B3GALT1: variants seen among roughly 807,000 people sequenced by gnomAD.
The protein encoded by B3GALT1 is beta-1,3-galactosyltransferase 1.
B3GALT1 carries 10 observed loss-of-function variants against 23.2 expected under a neutral mutation model. That is an observed-to-expected ratio of 0.43 (90% CI 0.27 to 0.73). B3GALT1 has a LOEUF of 0.73. Among genes scored for constraint, B3GALT1 ranks in the 30% least tolerant of loss-of-function variants. The pLI is 0.21. For synonymous variants in B3GALT1, 156 were observed against 141.5 expected (o/e 1.10, Z -0.73); for missense variants, 299 against 405.4 (o/e 0.74, Z 2.25).
intron 4 of B3GALT1, among the ~76,000 whole-genome samples, chr2:167,840,217 G>T (rs1470716141): frequency 6.6e-5 from 10 of 151,620 alleles, no homozygotes; most frequent in Admixed American, 2.0e-4. Context: ...CACAGCAAAA[G>T]AAACTACCAT....
chr2:167,347,989 A>G (rs1461923815), intron 1 of B3GALT1, among the ~76,000 whole-genome samples: 1 of 152,148 alleles, frequency 6.6e-6, no homozygotes, highest in Non-Finnish European at 1.5e-5. Context: ...GACCTGTGTT[A>G]CCACCCCATG....
In B3GALT1 at chr2:167,838,929, C is replaced by T. The variant is rs1473746273; in HGVS notation, c.-230+20136C>T. Among the ~76,000 whole-genome samples, 7 of 152,198 alleles carry T rather than the reference C, an allele frequency of 4.6e-5. No individual in the cohort carries two copies. The South Asian group carries it at 8.3e-4, about 18-fold the overall frequency. Reference sequence around the variant, plus strand: ...TAAACAGAACCAAAGACAAAAACCACGTGATTATCTCAATAGATGCAGAAA... The same window carrying T: ...TAAACAGAACCAAAGACAAAAACCATGTGATTATCTCAATAGATGCAGAAA... On this transcript the variant is annotated intron_variant, in intron 4 of 4. Transcript: ENST00000392690.
chr2:167,505,732 C>G (rs1699908320), intron 2 of B3GALT1, among the ~76,000 whole-genome samples: 1 of 152,084 alleles, frequency 6.6e-6, no homozygotes, highest in Admixed American at 6.5e-5. Flanking sequence ...GGAAAAAAAT[C>G]TAGACTCTTT....
chr2:167,564,437 C>G (rs183202764), intron 2 of B3GALT1, among the ~76,000 whole-genome samples: 1 of 151,684 alleles, frequency 6.6e-6, no homozygotes, highest in Admixed American at 6.6e-5. Flanking sequence ...CAGGCGGAGA[C>G]GCTCCCCACC....
At chr2:167,703,000 C>A (rs1248997830) in intron 3 of B3GALT1, among the ~76,000 whole-genome samples, 1 of 152,122 alleles carries the variant, frequency 6.6e-6, no homozygotes, top group Non-Finnish European at 1.5e-5. Context: ...AGTAAAATAC[C>A]ATACTTGATC....
At chr2:167,328,518 C>A (rs1208237701) in intron 1 of B3GALT1, among the ~76,000 whole-genome samples, 1 of 152,082 alleles carries the variant, frequency 6.6e-6, no homozygotes, top group African/African-American at 2.4e-5. Flanking sequence ...TCATAATAAT[C>A]TCTGAAGATC....
At chr2:167,816,884 T>C (rs1689002773) in intron 3 of B3GALT1, among the ~76,000 whole-genome samples, 1 of 152,188 alleles carries the variant, frequency 6.6e-6, no homozygotes, top group African/African-American at 2.4e-5. Flanking sequence ...GACTACATGC[T>C]CTCCTGTCTT....
chr2:167,565,046 C>A (rs1315020324), intron 2 of B3GALT1, among the ~76,000 whole-genome samples: 1 of 152,140 alleles, frequency 6.6e-6, no homozygotes, highest in Admixed American at 6.5e-5. Flanking sequence ...CCCGCATTGC[C>A]AAGTCAATCC....
chr2:167,604,147 C>T (rs1403804587), intron 2 of B3GALT1, among the ~76,000 whole-genome samples: 2 of 152,132 alleles, frequency 1.3e-5, no homozygotes, highest in African/African-American at 4.8e-5. Context: ...TGCACATACA[C>T]AATAAGTATT....
At chr2:167,522,445 T>A (rs1700204328) in intron 2 of B3GALT1, among the ~76,000 whole-genome samples, 1 of 152,150 alleles carries the variant, frequency 6.6e-6, no homozygotes, top group Non-Finnish European at 1.5e-5. Context: ...AAATACTGAA[T>A]TAGCAGCAGA....
chr2:167,513,040 C>T (rs1026558601), intron 2 of B3GALT1, among the ~76,000 whole-genome samples: 3 of 120,710 alleles, frequency 2.5e-5, no homozygotes, highest in Non-Finnish European at 3.3e-5. Context: ...ACAGAATTCA[C>T]AACACTATAT....
chr2:167,324,758 C>T (rs772961675), intron 1 of B3GALT1, among the ~76,000 whole-genome samples: 2 of 152,012 alleles, frequency 1.3e-5, no homozygotes, highest in Non-Finnish European at 2.9e-5. Flanking sequence ...TGTAGTATAT[C>T]GTGTTAACTG....
At position 167,461,063 on chromosome 2, in the gene B3GALT1, A is replaced by G. The variant is rs369382746; in HGVS notation, c.-510-29114A>G. Reference sequence around the variant, plus strand: ...GCTGGAGGAGGAAGGGCTTGCAACAATGGGAGGGGGATACAGCAATGGCCA... The same window carrying G: ...GCTGGAGGAGGAAGGGCTTGCAACAGTGGGAGGGGGATACAGCAATGGCCA... On this transcript the variant is annotated intron_variant, in intron 1 of 4. Transcript: ENST00000392690. 1.1e-3 allele frequency among the ~76,000 whole-genome samples: 170 copies of G among 152,278 alleles called. 3 individuals are homozygous for G. The South Asian group carries it at 0.021, about 19-fold the overall frequency.
At chr2:167,307,135 A>G (rs532925295) in intron 1 of B3GALT1, among the ~76,000 whole-genome samples, 1 of 152,168 alleles carries the variant, frequency 6.6e-6, no homozygotes, top group East Asian at 1.9e-4. Flanking sequence ...TACCCATGGT[A>G]GTGGTATATG....
intron 1 of B3GALT1, among the ~76,000 whole-genome samples, chr2:167,410,752 TAAAA>T (rs1698378165): frequency 6.6e-6 from 1 of 151,726 alleles, no homozygotes; most frequent in Non-Finnish European, 1.5e-5. Context: ...AGTAAAAAAA[TAAAA>T]TAAAATAAAT....
At chr2:167,765,153 G>A (rs1361629810) in intron 3 of B3GALT1, among the ~76,000 whole-genome samples, 4 of 152,100 alleles carry the variant, frequency 2.6e-5, no homozygotes, top group Non-Finnish European at 5.9e-5. Context: ...AAGTATAAAC[G>A]CAGCCTGGAG....
rs567603963 is a variant in B3GALT1, at chr2:167,425,435, C to T, written c.-510-64742C>T. Among the ~76,000 whole-genome samples the T allele has an allele frequency of 5.9e-5, 9 of 152,226 alleles. No individual in the cohort carries two copies. In the South Asian group the frequency reaches 1.7e-3, roughly 28 times the overall value. ...CCCAGCAAGGGAAAAAAAATCACTA[C>T]ACCTATTTTTAAAAAGCATTTATCT... On this transcript the variant is annotated intron_variant, in intron 1 of 4. Coordinates refer to ENST00000392690, the MANE Select transcript of B3GALT1 (RefSeq NM_020981.4).
intron 3 of B3GALT1, among the ~76,000 whole-genome samples, chr2:167,710,071 G>A (rs1207433989): frequency 6.6e-6 from 1 of 152,100 alleles, no homozygotes. Context: ...ATAAAGGAAA[G>A]CATTCTAACT....
At chr2:167,853,184 G>A (rs1689936542) in intron 4 of B3GALT1, among the ~76,000 whole-genome samples, 3 of 152,170 alleles carry the variant, frequency 2.0e-5, no homozygotes, top group East Asian at 1.9e-4. Flanking sequence ...ACCTCCCTTC[G>A]CATTCTCAGT....
Sources: gnomAD v4.1 joint callset for allele counts (sites outside exome capture counted in the v4.1 genomes callset) on GRCh38, gnomAD v4.1.1 for gene constraint, MANE v1.5 for transcripts, NCBI Gene and HGNC (gene_info 2026-07-23, HGNC 2026-07-21) for gene names.